The following RELN variants were observed in gnomAD, a reference collection of about 807,000 sequenced individuals.
RELN encodes the protein reelin.
A neutral mutation model predicts 427.6 loss-of-function variants in RELN; 108 were observed. The ratio of observed to expected loss-of-function variants is 0.25; its 90% confidence interval spans 0.22 to 0.30. The LOEUF is 0.30. Ranked by LOEUF, RELN falls within the 10% of genes least tolerant of loss-of-function variation. The pLI is 1.00. For synonymous variants in RELN, 1,524 were observed against 1,513.4 expected (o/e 1.01, Z -0.16); for missense variants, 3,715 against 4,302.8 (o/e 0.86, Z 3.82).
intron 20 of RELN, among the ~76,000 whole-genome samples, chr7:103,621,610 C>T (rs1428470969): frequency 3.3e-5 from 5 of 152,126 alleles, no homozygotes; most frequent in Non-Finnish European, 5.9e-5. Flanking sequence ...CTGGAATAGA[C>T]TGAGTGAAAG....
At chr7:103,984,295 C>G (rs1797052443) in intron 1 of RELN, among the ~76,000 whole-genome samples, 1 of 151,950 alleles carries the variant, frequency 6.6e-6, no homozygotes. Context: ...GTCAAATTTA[C>G]TGGAATAAAA....
chr7:103,723,488 G>A (rs1790128791), intron 7 of RELN, among the ~76,000 whole-genome samples: 1 of 152,116 alleles, frequency 6.6e-6, no homozygotes, highest in Non-Finnish European at 1.5e-5. Flanking sequence ...ATCTTGTGAA[G>A]GCATTTAACA....
intron 5 of RELN, 64 bp from the exon 6 acceptor site, chr7:103,749,568 A>T (rs892088343): frequency 9.0e-7 from 1 of 1,115,112 alleles, no homozygotes; most frequent in African/African-American, 1.5e-5. Flanking sequence ...GCTAAACACA[A>T]GTGCCAACAT....
chr7:103,490,442 A>G (rs1828611703), intron 59 of RELN, among the ~76,000 whole-genome samples: 1 of 152,166 alleles, frequency 6.6e-6, no homozygotes, highest in Non-Finnish European at 1.5e-5. Flanking sequence ...GAAATCTGAG[A>G]TCTCTGAATC....
At chr7:103,756,994 A>C (rs1209488974) in intron 4 of RELN, among the ~76,000 whole-genome samples, 1 of 152,164 alleles carries the variant, frequency 6.6e-6, no homozygotes, top group Non-Finnish European at 1.5e-5. Context: ...ATGTAGTCTA[A>C]ACAAATTTTC....
At position 103,651,722 on chromosome 7, in the gene RELN, C is replaced by T. The variant is rs776124922; in HGVS notation, c.1831G>A (p.Glu611Lys). 48 of 1,611,792 alleles carry T rather than the reference C, an allele frequency of 3.0e-5. 1 individual carries two copies. In the South Asian group the frequency reaches 4.7e-4, roughly 16 times the overall value. The change falls in exon 15 of 65, where the codon GAG becomes AAG. Residue 611 changes from glutamate to lysine, a missense_variant. Physicochemically the swap from Glu to Lys is moderately conservative, Grantham distance 56. Transcript: ENST00000428762. ...WSLLHTECLP[E>K]ICAGPHLPHS... The stretch of plus-strand genomic sequence containing the variant: ...GGGAGGTGGGGTCCAGCACAGATCT[C>T]AGGTAAGCATTCAGTGTGAAGGAGG...
At chr7:103,964,252 A>G (rs1796618699) in intron 1 of RELN, among the ~76,000 whole-genome samples, 1 of 152,186 alleles carries the variant, frequency 6.6e-6, no homozygotes, top group African/African-American at 2.4e-5. Context: ...ATGTTACTCA[A>G]AAGAGAAGCA....
intron 2 of RELN, among the ~76,000 whole-genome samples, chr7:103,894,620 G>A (rs1228658681): frequency 2.0e-5 from 3 of 152,230 alleles, no homozygotes; most frequent in African/African-American, 7.2e-5. Flanking sequence ...GGGAAGTCAA[G>A]TTTTTATTTT....
In RELN at chr7:103,589,647, A is replaced by G. The variant is rs1383074277; in HGVS notation, c.4094T>C (p.Phe1365Ser). The change falls in exon 28 of 65, where the codon TTT (phenylalanine) becomes TCT (serine). Residue 1365 changes from phenylalanine to serine, a missense_variant. Phe to Ser is a radical substitution (Grantham distance 155). Transcript: ENST00000428762. Reference sequence around the variant, plus strand: ...AATGGTGATTCTTGTCCATTCTTCAAAGTCCCCTGTGTGATACATGGTGGG... The same window carrying G: ...AATGGTGATTCTTGTCCATTCTTCAGAGTCCCCTGTGTGATACATGGTGGG... ...SEPTMYHTGDFEEWTRITIVI... is the reference protein window; with the variant it reads ...SEPTMYHTGDSEEWTRITIVI... 1 of 1,613,984 alleles carries G rather than the reference A, an allele frequency of 6.2e-7. No homozygotes were observed. The highest frequency in any genetic ancestry group is 8.5e-7 in the Non-Finnish European group (1 of 1,179,990).
At chr7:103,767,542 A>C (rs1791456263) in intron 4 of RELN, among the ~76,000 whole-genome samples, 1 of 152,182 alleles carries the variant, frequency 6.6e-6, no homozygotes, top group Non-Finnish European at 1.5e-5. Flanking sequence ...CACTCATATT[A>C]ACATTTTCAA....
chr7:103,687,086 CT>C (rs760817179), intron 10 of RELN, among the ~76,000 whole-genome samples: 1 of 151,954 alleles, frequency 6.6e-6, no homozygotes, highest in Non-Finnish European at 1.5e-5. Context: ...CTACTTTGTA[CT>C]ACGATTTTTA....
chr7:103,730,486 T>A (rs59735255), intron 6 of RELN, among the ~76,000 whole-genome samples: 3 of 144,798 alleles, frequency 2.1e-5, no homozygotes, highest in Admixed American at 7.0e-5. Flanking sequence ...AGCAGGGATT[T>A]AAAAAAAAAA....
chr7:103,702,618 T>A (rs1834117555), intron 8 of RELN, among the ~76,000 whole-genome samples: 1 of 152,182 alleles, frequency 6.6e-6, no homozygotes, highest in African/African-American at 2.4e-5. Flanking sequence ...GAGGTTAACT[T>A]TTTTATGCAT....
At chr7:103,473,987 A>C (rs1827944480) in intron 64 of RELN, among the ~76,000 whole-genome samples, 2 of 152,172 alleles carry the variant, frequency 1.3e-5, no homozygotes, top group Non-Finnish European at 2.9e-5. Context: ...TATGACATGA[A>C]CTTGAGTTAG....
In RELN at chr7:103,603,480, C is replaced by G. The variant is rs781298068; in HGVS notation, c.3157G>C (p.Gly1053Arg). The change falls in exon 24 of 65, where the codon GGG becomes CGG. Residue 1053 changes from glycine (G) to arginine (R), a missense_variant. By Grantham distance (125) the Gly-to-Arg change is moderately radical. Transcript: ENST00000428762. The surrounding 1 kb of genome is among the most constrained non-coding windows in gnomAD (Gnocchi z 4.3). ...GGGTGGCATTCAGTGCCTTGGTACC[C>G]CTGGTCACACCTATGAGAGAGCAGG... Reference protein sequence around the residue: ...CDHGICRCDQGYQGTECHPEA... With the variant: ...CDHGICRCDQRYQGTECHPEA... 2 of 1,613,714 alleles carry G rather than the reference C, an allele frequency of 1.2e-6. No homozygotes were observed. The highest frequency in any genetic ancestry group is 1.7e-6 in the Non-Finnish European group (2 of 1,179,736).
chr7:103,576,003 T>G (rs898417283), intron 28 of RELN, among the ~76,000 whole-genome samples: 2 of 151,976 alleles, frequency 1.3e-5, no homozygotes, highest in Admixed American at 1.3e-4. Context: ...GAGGCCGAGG[T>G]GGGCGGATCA....
rs1276181954 is a variant in RELN at position 103,702,616 on chromosome 7, CTT to C, written c.806-1612_806-1611del. 2.0e-5 allele frequency among the ~76,000 whole-genome samples: 3 copies of C among 152,236 alleles called. No individual in the cohort carries two copies. In the South Asian group the frequency reaches 6.2e-4, roughly 32 times the overall value. Reference sequence around the variant, plus strand: ...TACCATCTCAGCATCATGAGGTTAACTTTTTTATGCATCTAGAAAACAAAAAC... The same window carrying C: ...TACCATCTCAGCATCATGAGGTTAACTTTTATGCATCTAGAAAACAAAAAC... On this transcript the variant is annotated intron_variant, in intron 8 of 64. Transcript: ENST00000428762.
intron 3 of RELN, among the ~76,000 whole-genome samples, chr7:103,813,802 T>C (rs992199616): frequency 2.0e-5 from 3 of 152,202 alleles, no homozygotes; most frequent in Non-Finnish European, 4.4e-5. Flanking sequence ...TTCTCTACTG[T>C]TGTAGTGTAA....
intron 20 of RELN, among the ~76,000 whole-genome samples, chr7:103,623,831 T>C (rs1189488001): frequency 1.3e-5 from 2 of 152,228 alleles, no homozygotes; most frequent in Admixed American, 6.5e-5. Context: ...GCATGAGCTC[T>C]GATGGTCATT....
Sources: gnomAD v4.1 joint callset for allele counts (sites outside exome capture counted in the v4.1 genomes callset) on GRCh38, gnomAD v4.1.1 for gene constraint, Gnocchi (gnomAD v3.1) non-coding constraint, MANE v1.5 for transcripts, NCBI Gene and HGNC (gene_info 2026-07-23, HGNC 2026-07-21) for gene names.